Variants in ALCAM observed in about 807,000 individuals in gnomAD.
ALCAM encodes activated leukocyte cell adhesion molecule.
A neutral mutation model predicts 70.9 loss-of-function variants in ALCAM; 30 were observed. That is an observed-to-expected ratio of 0.42 (90% confidence interval 0.32 to 0.57). ALCAM has a LOEUF of 0.57. ALCAM is among the 20% of genes least tolerant of loss of function. The pLI is 0.11. For missense variants in ALCAM, 591 were observed against 695.1 expected, an observed-to-expected ratio of 0.85 and a Z score of 1.68; for synonymous variants, 249 against 242.5, an observed-to-expected ratio of 1.03 and a Z score of -0.25.
chr3:105,368,265 A>AGAGAGAGAGAGAGAGAGAGAGAGAG (rs1553716633), intron 1 of ALCAM, among the ~76,000 whole-genome samples: 17 of 25,938 alleles, frequency 6.6e-4, no homozygotes, highest in Non-Finnish European at 9.2e-4. Flanking sequence ...GAGAGAGAGA[A>AGAGAGAGAGAGAGAGAGAGAGAGAG]AAGGCAAAAT....
At chr3:105,574,095 T>C (rs1206209549) in intron 15 of ALCAM, among the ~76,000 whole-genome samples, 2 of 152,182 alleles carry the variant, frequency 1.3e-5, no homozygotes, top group East Asian at 3.8e-4. Context: ...TAAACATAGA[T>C]TTTAACTACT....
At chr3:105,437,566 C>A (rs917537140) in intron 1 of ALCAM, among the ~76,000 whole-genome samples, 1 of 152,034 alleles carries the variant, frequency 6.6e-6, no homozygotes, top group African/African-American at 2.4e-5. Context: ...TACATGAACC[C>A]TTTGGTACAT....
At chr3:105,418,349 T>C (rs888953255) in intron 1 of ALCAM, among the ~76,000 whole-genome samples, 1 of 151,846 alleles carries the variant, frequency 6.6e-6, no homozygotes, top group South Asian at 2.1e-4. Context: ...TTGGTTAGCA[T>C]TGGAGTAAGA....
intron 6 of ALCAM, among the ~76,000 whole-genome samples, chr3:105,536,489 A>G (rs1432011803): frequency 2.0e-5 from 3 of 152,176 alleles, no homozygotes; most frequent in Non-Finnish European, 4.4e-5. Context: ...GATAAGTAAT[A>G]AGAATTGGGA....
Position 105,534,695 on chromosome 3 carries a change from C to T in ALCAM, c.580C>T (p.Pro194Ser), listed in dbSNP as rs761194368. ...VVIIFKKEMD[P>S]VTQLYTMTST... The stretch of plus-strand genomic sequence containing the variant: ...CATAATTTTTAAAAAGGAAATGGAC[C>T]CAGTGACTCAGCTCTATACCATGAC... The change falls in exon 6 of 16, where the codon CCA becomes TCA. Residue 194 changes from proline (P) to serine (S), a missense_variant. By Grantham distance (74) the Pro-to-Ser change is moderately conservative. Coordinates refer to ENST00000306107, the MANE Select transcript of ALCAM (RefSeq NM_001627.4). 8 of 1,613,542 alleles carry T rather than the reference C, an allele frequency of 5.0e-6. No individual in the cohort carries two copies. In the South Asian group the frequency reaches 7.7e-5, roughly 16 times the overall value.
intron 1 of ALCAM, among the ~76,000 whole-genome samples, chr3:105,378,875 A>G (rs1186505103): frequency 6.6e-6 from 1 of 151,954 alleles, no homozygotes; most frequent in Non-Finnish European, 1.5e-5. Context: ...GTGTTTGGTT[A>G]GAAATGATTT....
At chr3:105,447,646 G>T (rs561476914) in intron 1 of ALCAM, among the ~76,000 whole-genome samples, 1 of 152,284 alleles carries the variant, frequency 6.6e-6, no homozygotes, top group South Asian at 2.1e-4. Flanking sequence ...CAGGGAGATC[G>T]AGCTGCAGTG....
chr3:105,395,903 T>C (rs1935939198), intron 1 of ALCAM, among the ~76,000 whole-genome samples: 1 of 151,958 alleles, frequency 6.6e-6, no homozygotes, highest in African/African-American at 2.4e-5. Context: ...CTGGATTGAG[T>C]TCTCCTCCAT....
intron 1 of ALCAM, among the ~76,000 whole-genome samples, chr3:105,392,298 G>A (rs1935842850): frequency 6.6e-6 from 1 of 151,686 alleles, no homozygotes; most frequent in Admixed American, 6.6e-5. Context: ...GTTTAGTCTT[G>A]GGGTGGTGTA....
intron 1 of ALCAM, among the ~76,000 whole-genome samples, chr3:105,397,025 G>A (rs1935970930): frequency 6.6e-6 from 1 of 151,910 alleles, no homozygotes; most frequent in African/African-American, 2.4e-5. Flanking sequence ...ATATCAATTG[G>A]TGTGCTACAG....
At chr3:105,394,132 C>G (rs973900049) in intron 1 of ALCAM, among the ~76,000 whole-genome samples, 1 of 151,868 alleles carries the variant, frequency 6.6e-6, no homozygotes, top group Non-Finnish European at 1.5e-5. Flanking sequence ...ATGGTAACAG[C>G]CTGTAAGCCT....
chr3:105,435,567 G>A (rs1056167132), intron 1 of ALCAM, among the ~76,000 whole-genome samples: 9 of 152,170 alleles, frequency 5.9e-5, no homozygotes, highest in African/African-American at 2.2e-4. Flanking sequence ...TTAGTAGCAA[G>A]TAATAAGATG....
At chr3:105,523,168 A>C (rs1383326491) in intron 2 of ALCAM, among the ~76,000 whole-genome samples, 1 of 135,090 alleles carries the variant, frequency 7.4e-6, no homozygotes, top group African/African-American at 2.7e-5. Flanking sequence ...AAAAAAAAAG[A>C]AAGCCCAAAG....
chr3:105,423,688 C>T (rs7428824), intron 1 of ALCAM, among the ~76,000 whole-genome samples: 81,565 of 151,132 alleles, frequency 0.54, 22,733 homozygotes, highest in East Asian at 0.89. Context: ...TATACACACA[C>T]ATCTGTCATT....
chr3:105,438,882 A>G (rs1176792877), intron 1 of ALCAM, among the ~76,000 whole-genome samples: 1 of 152,132 alleles, frequency 6.6e-6, no homozygotes, highest in African/African-American at 2.4e-5. Context: ...AAATAAATAA[A>G]TGAAGGAAGG....
chr3:105,406,079 C>T (rs913768297), intron 1 of ALCAM, among the ~76,000 whole-genome samples: 3 of 152,136 alleles, frequency 2.0e-5, no homozygotes, highest in Non-Finnish European at 2.9e-5. Flanking sequence ...AGTGTGCATT[C>T]GCCTAAAGAC....
At chr3:105,372,759 A>G (rs1935267204) in intron 1 of ALCAM, among the ~76,000 whole-genome samples, 1 of 152,106 alleles carries the variant, frequency 6.6e-6, no homozygotes, top group Non-Finnish European at 1.5e-5. Flanking sequence ...TTGCTTCTCT[A>G]TTACTGTTAT....
At chr3:105,556,165 A>G (rs144594973) in intron 14 of ALCAM, among the ~76,000 whole-genome samples, 1 of 152,160 alleles carries the variant, frequency 6.6e-6, no homozygotes, top group African/African-American at 2.4e-5. Flanking sequence ...CCTATCTTGC[A>G]TATCTCATAG....
chr3:105,472,830 A>G (rs1937972853), intron 1 of ALCAM, among the ~76,000 whole-genome samples: 2 of 151,522 alleles, frequency 1.3e-5, no homozygotes. Context: ...AGATTCCTCA[A>G]CTTTCTTATC....
Sources: gnomAD v4.1 joint callset for allele counts (sites outside exome capture counted in the v4.1 genomes callset) on GRCh38, gnomAD v4.1.1 for gene constraint, MANE v1.5 for transcripts, NCBI Gene and HGNC (gene_info 2026-07-23, HGNC 2026-07-21) for gene names.